PUDP: variants seen among roughly 807,000 people sequenced by gnomAD.
The protein encoded by PUDP is pseudouridine-5'-phosphatase.
Under a neutral mutation model 9.4 loss-of-function variants are expected in PUDP, and 8 were observed. That is an observed-to-expected ratio of 0.85 (90% CI 0.50 to 1.53). The LOEUF (loss-of-function observed/expected upper bound fraction) is 1.53, where lower values mean the gene tolerates loss of function less well. PUDP is among the 40% of genes most tolerant of loss of function. The pLI is 0.00. For synonymous variants in PUDP, 99 were observed against 80.7 expected, an observed-to-expected ratio of 1.23 and a Z score of -1.22; for missense variants, 188 against 189.7, an observed-to-expected ratio of 0.99 and a Z score of 0.05.
chrX:7,009,918 T>C (rs1602712164), intron 1 of PUDP, among the ~76,000 whole-genome samples: 1 of 111,885 alleles, frequency 8.9e-6, no homozygotes, highest in African/African-American at 3.3e-5. Context: ...ATTGTGTCCT[T>C]GGATGTCCCA....
chrX:6,967,694 C>A (rs1337536374), intron 3 of PUDP, among the ~76,000 whole-genome samples: 1 of 111,802 alleles, frequency 8.9e-6, no homozygotes, highest in African/African-American at 3.3e-5. Flanking sequence ...TCAGTCCCAT[C>A]CTTCCCAGAG....
intron 1 of PUDP, among the ~76,000 whole-genome samples, chrX:7,107,013 G>A (rs1391201605): frequency 8.9e-6 from 1 of 111,742 alleles, no homozygotes; most frequent in African/African-American, 3.3e-5. Context: ...CCAGTCTGCG[G>A]TGGCACAGAG....
intron 3 of PUDP, among the ~76,000 whole-genome samples, chrX:6,867,913 G>T (rs1440658891): frequency 2.7e-5 from 3 of 111,644 alleles, no homozygotes; most frequent in Non-Finnish European, 5.6e-5. Flanking sequence ...GCAAGAAAGG[G>T]TGAGAGCAAG....
chrX:6,812,246 A>G (rs893471416), intron 3 of PUDP, among the ~76,000 whole-genome samples: 7 of 112,113 alleles, frequency 6.2e-5, no homozygotes, highest in Admixed American at 5.7e-4. Flanking sequence ...CTCAACAAAC[A>G]CTGCAAAGAG....
At chrX:7,058,757 TATTA>T (rs1486815093) in intron 3 of PUDP, among the ~76,000 whole-genome samples, 1 of 112,009 alleles carries the variant, frequency 8.9e-6, no homozygotes, top group Non-Finnish European at 1.9e-5. Context: ...TGTATTTTGT[TATTA>T]ATTAGTACTT....
chrX:6,792,205 G>A (rs939612183), intron 3 of PUDP, among the ~76,000 whole-genome samples: 8 of 110,653 alleles, frequency 7.2e-5, no homozygotes, highest in African/African-American at 2.3e-4. Context: ...AAGACCAATA[G>A]AGTGAGGTTG....
chrX:6,864,509 GGCCATAC>G (rs1241292460), intron 3 of PUDP, among the ~76,000 whole-genome samples: 1 of 111,118 alleles, frequency 9.0e-6, no homozygotes, highest in Non-Finnish European at 1.9e-5. Context: ...CAAAGTAGGG[GGCCATAC>G]TGGTTTCCTT....
At chrX:6,757,833 G>C (rs1205915150) in intron 3 of PUDP, among the ~76,000 whole-genome samples, 5 of 112,285 alleles carry the variant, frequency 4.5e-5, no homozygotes, top group Non-Finnish European at 9.4e-5. Context: ...GGCAGATCTT[G>C]TTTTGAACAG....
chrX:6,956,401 CA>C (rs35191917), intron 3 of PUDP, among the ~76,000 whole-genome samples: 19,546 of 89,179 alleles, frequency 0.22, 1,552 homozygotes, highest in Admixed American at 0.38. Flanking sequence ...ATTTTTAGGG[CA>C]AAAAAAAAAA....
intron 1 of PUDP, among the ~76,000 whole-genome samples, chrX:7,125,041 AC>A (rs1278331392): frequency 5.4e-5 from 6 of 110,989 alleles, no homozygotes; most frequent in South Asian, 7.6e-4. Flanking sequence ...CATAAAAAAA[AC>A]ATAAAAATAA....
intron 3 of PUDP, among the ~76,000 whole-genome samples, chrX:6,873,316 G>A (rs947205623): frequency 5.4e-5 from 6 of 111,516 alleles, no homozygotes; most frequent in African/African-American, 2.0e-4. Flanking sequence ...AAGTTACTAC[G>A]AATCAAAGAC....
chrX:6,783,211 G>A (rs184086019), intron 3 of PUDP, among the ~76,000 whole-genome samples: 327 of 112,055 alleles, frequency 2.9e-3, no homozygotes, highest in Non-Finnish European at 5.0e-3. Context: ...ATTGATTCTT[G>A]CAGAATGTAG....
chrX:7,095,510 C>T (rs1206903247), intron 2 of PUDP, among the ~76,000 whole-genome samples: 1 of 112,323 alleles, frequency 8.9e-6, no homozygotes, highest in Non-Finnish European at 1.9e-5. Flanking sequence ...TTCCTAGGCA[C>T]TGTCCATCTT....
At chrX:6,840,809 G>A (rs923467817) in intron 3 of PUDP, among the ~76,000 whole-genome samples, 1 of 106,891 alleles carries the variant, frequency 9.4e-6, no homozygotes, top group African/African-American at 3.4e-5. Context: ...CTGCTCAGGT[G>A]GGGGATGTTG....
chrX:6,777,121 G>C (rs1925478624), intron 3 of PUDP, among the ~76,000 whole-genome samples: 1 of 111,781 alleles, frequency 8.9e-6, no homozygotes, highest in African/African-American at 3.3e-5. Context: ...CACCAATTCT[G>C]GGTTAATTTT....
At chrX:6,716,625 C>CTATG (rs1305709986) in intron 1 of PUDP, among the ~76,000 whole-genome samples, 1 of 100,202 alleles carries the variant, frequency 1.0e-5, no homozygotes, top group South Asian at 4.4e-4. Flanking sequence ...AAATATATTT[C>CTATG]TATGTATGTA....
rs191413301 is a variant in PUDP, at chrX:6,842,596, G to A, written c.*247+134537C>T. Among the ~76,000 whole-genome samples, 252 of 112,464 alleles carry A rather than the reference G, an allele frequency of 2.2e-3. 1 individual carries two copies. Among genetic ancestry groups the A allele is most frequent in the African/African-American group, 6.3e-3 (197 of 31,036 alleles). The stretch of plus-strand genomic sequence containing the variant: ...TATTGACAATTACACAGTCCTATCT[G>A]TGGCATTGCCTCCTAACGATGGACT... On this transcript the variant is annotated intron_variant and NMD_transcript_variant, in intron 3 of 3. Transcript: ENST00000655425.
intron 1 of PUDP, among the ~76,000 whole-genome samples, chrX:6,988,092 T>G (rs1468447186): frequency 8.9e-6 from 1 of 112,155 alleles, no homozygotes; most frequent in Non-Finnish European, 1.9e-5. Context: ...AAAAATGTCC[T>G]AGGGCAACCT....
intron 1 of PUDP, among the ~76,000 whole-genome samples, chrX:6,979,572 T>C (rs1419164941): frequency 9.0e-6 from 1 of 111,548 alleles, no homozygotes; most frequent in Non-Finnish European, 1.9e-5. Context: ...GGGGAAGATA[T>C]GTATAATAGA....
Sources: allele counts gnomAD v4.1 joint callset (sites outside exome capture counted in the v4.1 genomes callset), GRCh38; gene constraint gnomAD v4.1.1; transcripts MANE v1.5; gene names NCBI Gene and HGNC (gene_info 2026-07-23, HGNC 2026-07-21).